EXOSC8: variants seen among roughly 807,000 people sequenced by gnomAD.
EXOSC8 encodes exosome component 8.
A neutral mutation model predicts 39.9 loss-of-function variants in EXOSC8; 37 were observed. That is an observed-to-expected ratio of 0.93 (90% CI 0.71 to 1.22). EXOSC8 has a LOEUF of 1.22. Ranked by LOEUF, EXOSC8 falls within the 50% of genes most tolerant of loss-of-function variation. The pLI is 0.00. For synonymous variants in EXOSC8, 93 were observed against 109.5 expected, an observed-to-expected ratio of 0.85 and a Z score of 0.94; for missense variants, 313 against 326.6, an observed-to-expected ratio of 0.96 and a Z score of 0.32.
At chr13:37,004,852 ACACC>A (rs1334748588) in intron 5 of EXOSC8, among the ~76,000 whole-genome samples, 2 of 152,198 alleles carry the variant, frequency 1.3e-5, no homozygotes, top group Non-Finnish European at 2.9e-5. Context: ...GTGGTGACTC[ACACC>A]TATAATACCA....
chr13:37,002,399 G>A, intron 2 of EXOSC8, 89 bp from the exon 3 acceptor site: 1 of 1,388,068 alleles, frequency 7.2e-7, no homozygotes. Context: ...TCCATTTGAA[G>A]TAACATTTAA....
intron 7 of EXOSC8, 69 bp downstream of exon 7, chr13:37,006,229 G>T: frequency 9.5e-7 from 1 of 1,051,602 alleles, no homozygotes; most frequent in South Asian, 1.4e-5. Flanking sequence ...GGGGGAAAGT[G>T]AACAAGGAAA....
At chr13:37,008,978 A>G (rs2138857493) in intron 10 of EXOSC8, 143 bp downstream of exon 10, 1 of 730,760 alleles carries the variant, frequency 1.4e-6, no homozygotes, top group East Asian at 2.7e-5. Flanking sequence ...ATGTTCTTCC[A>G]TCTTAATGGT....
In EXOSC8 at chr13:37,001,246, T is replaced by C. The variant is rs551401921; in HGVS notation, c.17+424T>C. On this transcript the variant is annotated intron_variant, in intron 1 of 10. Coordinates refer to ENST00000389704, the MANE Select transcript of EXOSC8 (RefSeq NM_181503.3). ...GTACATGGTGAAACACTGTCTCTAATAAAAATATAAAAATTAGCCGGGCGT... is the reference window on the plus strand; with the variant it reads ...GTACATGGTGAAACACTGTCTCTAACAAAAATATAAAAATTAGCCGGGCGT... Among the ~76,000 whole-genome samples, 43 of 152,044 alleles carry C rather than the reference T, an allele frequency of 2.8e-4. 1 individual carries two copies. The highest frequency in any genetic ancestry group is 4.3e-4 in the Non-Finnish European group (29 of 68,016).
rs139322433 is a variant in EXOSC8, at chr13:37,008,174, A to T, written c.605A>T (p.Asp202Val). Residue 202 changes from aspartate to valine, a missense_variant, in exon 9 of 11, where the codon GAT (aspartate) becomes GTT (valine). Coordinates refer to ENST00000389704, the MANE Select transcript of EXOSC8 (RefSeq NM_181503.3). ...GTTGCAACTTCCTTTGCTGTGTTTG[A>T]TGAGTAAGTTAATCAAACTTACTTT... ...HPVATSFAVF[D>V]DTLLIVDPTG... 65 of 1,594,830 alleles carry T rather than the reference A, an allele frequency of 4.1e-5. No homozygotes were observed. The African/African-American group carries it at 7.8e-4, about 19-fold the overall frequency.
chr13:37,004,415 TA>T, intron 4 of EXOSC8, 100 bp from the exon 5 acceptor site: 1 of 786,576 alleles, frequency 1.3e-6, no homozygotes, highest in Non-Finnish European at 2.2e-6. Flanking sequence ...CACAATTCCC[TA>T]AGCTGATATT....
intron 1 of EXOSC8, 29 bp from the exon 2 acceptor site, chr13:37,002,244 C>G (rs941416679): frequency 6.4e-7 from 1 of 1,561,666 alleles, no homozygotes; most frequent in Non-Finnish European, 8.8e-7. Context: ...ATCAGTTTAT[C>G]TCAGATATAT....
chr13:37,009,541 C>T lies in EXOSC8; in HGVS notation c.*242C>T, dbSNP rs1039836040. 7 of 1,126,866 alleles carry T rather than the reference C, an allele frequency of 6.2e-6. No homozygotes were observed. The highest frequency in any genetic ancestry group is 9.2e-6 in the Non-Finnish European group (7 of 758,544). 69.8% of individuals were successfully genotyped at this position (1,126,866 alleles called of 1,614,324 possible). ...TTTATTTAAAAATGATAAGGTTGTG[C>T]TTCTGTATAAAGTTTGTACATCTAG... is the stretch of plus-strand genomic sequence containing the variant. On this transcript the variant is annotated 3_prime_UTR_variant, in exon 11 of 11. Coordinates refer to ENST00000389704, the MANE Select transcript of EXOSC8 (RefSeq NM_181503.3).
At position 37,009,228 on chromosome 13, in the gene EXOSC8, C is replaced by T. The variant is rs778044271; in HGVS notation, c.760C>T (p.Arg254Ter). ...AGCTAAACTTCAGGACTGTATGAGC[C>T]GAGCAGTTACAAGACACAAAGAAGT... Reference protein sequence around the residue: ...TGAKLQDCMSRAVTRHKEVKK... With the variant: ...TGAKLQDCMS Residue 254 changes from arginine (R) to a stop codon, truncating the protein, a stop_gained, in exon 11 of 11, where the codon CGA becomes TGA. Coordinates refer to ENST00000389704, the MANE Select transcript of EXOSC8 (RefSeq NM_181503.3). LOFTEE classifies it high-confidence loss of function. 2.5e-5 allele frequency: 41 copies of T among 1,613,440 alleles called. No individual in the cohort carries two copies. The highest frequency in any genetic ancestry group is 3.0e-5 in the Non-Finnish European group (35 of 1,179,794).
intron 3 of EXOSC8, 106 bp downstream of exon 3, chr13:37,002,657 ATTTT>A: frequency 6.0e-6 from 5 of 832,086 alleles, no homozygotes; most frequent in South Asian, 1.8e-5. Context: ...GGATTTGATG[ATTTT>A]TTTTGTCAAG....
chr13:37,005,975 TGGA>T lies in EXOSC8; in HGVS notation c.296_298del (p.Gly99del). Reference sequence around the variant, plus strand: ...CATCGAGATTCCGGTCTGGACCTCCTGGAGAAGAGGCCCAAGTGGCTAGCCAGT... The same window carrying T: ...CATCGAGATTCCGGTCTGGACCTCCTGAAGAGGCCCAAGTGGCTAGCCAGT... On this transcript the variant is annotated inframe_deletion, in exon 6 of 11. Coordinates refer to ENST00000389704, the MANE Select transcript of EXOSC8 (RefSeq NM_181503.3). 4.3e-6 allele frequency: 7 copies of T among 1,612,308 alleles called. No individual in the cohort carries two copies. The highest frequency in any genetic ancestry group is 5.9e-6 in the Non-Finnish European group (7 of 1,178,804).
intron 7 of EXOSC8, among the ~76,000 whole-genome samples, chr13:37,006,654 G>A (rs1308647069): frequency 1.3e-5 from 2 of 151,838 alleles, no homozygotes; most frequent in Non-Finnish European, 2.9e-5. Context: ...TTTTAGCTAG[G>A]GCTTTCAAAA....
chr13:37,008,692 C>T, intron 9 of EXOSC8, 37 bp from the exon 10 acceptor site: 2 of 1,322,852 alleles, frequency 1.5e-6, no homozygotes. Flanking sequence ...AAAATTTGTT[C>T]CATGGATTGA....
chr13:37,005,153 G>A (rs1423426623), intron 5 of EXOSC8, among the ~76,000 whole-genome samples: 1 of 151,962 alleles, frequency 6.6e-6, no homozygotes, highest in African/African-American at 2.4e-5. Context: ...TTAAGTCAAA[G>A]AACTGTCATT....
intron 1 of EXOSC8, chr13:37,001,737 T>TA (rs1478730334): frequency 6.6e-6 from 1 of 152,392 alleles, no homozygotes; most frequent in Admixed American, 6.5e-5. Flanking sequence ...AGCCTGAACA[T>TA]ACCTTACACA....
chr13:37,004,479 GCTT>G, intron 4 of EXOSC8, 34 bp from the exon 5 acceptor site: 1 of 1,497,956 alleles, frequency 6.7e-7, no homozygotes, highest in Non-Finnish European at 9.2e-7. Flanking sequence ...TTTTTCAGTA[GCTT>G]CTTTCAATAG....
chr13:37,006,262 C>A, intron 7 of EXOSC8, 102 bp downstream of exon 7: 1 of 714,954 alleles, frequency 1.4e-6, no homozygotes, highest in East Asian at 2.6e-5. Flanking sequence ...ATCAAAGTAG[C>A]TTTAAATATG....
intron 8 of EXOSC8, 37 bp downstream of exon 8, chr13:37,007,108 A>G (rs371776009): frequency 5.7e-6 from 7 of 1,230,218 alleles, no homozygotes; most frequent in Non-Finnish European, 7.2e-6. Flanking sequence ...ATTCCCACTC[A>G]TGGGTTAGAA....
At chr13:37,006,876 T>G in intron 7 of EXOSC8, 99 bp from the exon 8 acceptor site, 1 of 697,320 alleles carries the variant, frequency 1.4e-6, no homozygotes, top group Non-Finnish European at 2.5e-6. Context: ...GTTATCTTGC[T>G]TGTTTAACCA....
Sources: gnomAD v4.1 joint callset for allele counts (sites outside exome capture counted in the v4.1 genomes callset) on GRCh38, gnomAD v4.1.1 for gene constraint, MANE v1.5 for transcripts, NCBI Gene and HGNC (gene_info 2026-07-23, HGNC 2026-07-21) for gene names.